RAP1GAP2: variants seen among roughly 807,000 people sequenced by gnomAD.
RAP1GAP2 encodes RAP1 GTPase activating protein 2.
RAP1GAP2 carries 27 observed loss-of-function variants against 95.0 expected under a neutral mutation model. That is an observed-to-expected ratio of 0.28 (90% CI 0.21 to 0.39). RAP1GAP2 has a LOEUF of 0.39. Among genes scored for constraint, RAP1GAP2 ranks in the 10% least tolerant of loss-of-function variants. The probability of loss-of-function intolerance (pLI) is 1.00; values close to 1 mark genes in which losing one functional copy is unlikely to be tolerated. For synonymous variants in RAP1GAP2, 373 were observed against 380.9 expected (o/e 0.98, Z 0.24); for missense variants, 771 against 970.0 (o/e 0.79, Z 2.72).
intron 2 of RAP1GAP2, among the ~76,000 whole-genome samples, chr17:2,830,852 C>T (rs952819852): frequency 6.6e-6 from 1 of 151,484 alleles, no homozygotes; most frequent in Non-Finnish European, 1.5e-5. Flanking sequence ...CGCCCTGTCC[C>T]TACATTCTAA....
In RAP1GAP2 at chr17:3,008,943, CAG is replaced by C. The variant is rs1399046278; in HGVS notation, c.1494+801_1494+802del. 1.3e-5 allele frequency among the ~76,000 whole-genome samples: 2 copies of C among 152,166 alleles called. No homozygotes were observed. Among genetic ancestry groups the C allele is most frequent in the African/African-American group, 4.8e-5 (2 of 41,428 alleles). On this transcript the variant is annotated intron_variant, in intron 17 of 24. Transcript: ENST00000254695. This position sits in a 1 kb window ranked among gnomAD's most constrained non-coding sequence, Gnocchi z 4.2. The stretch of plus-strand genomic sequence containing the variant: ...GCCTGCTCAGGTCCTTACACCGAGG[CAG>C]AGTTAGAGCCTCATTTCAAACGCAG...
chr17:2,830,942 TCCC>T (rs2070803595), intron 2 of RAP1GAP2, among the ~76,000 whole-genome samples: 2 of 112,312 alleles, frequency 1.8e-5, no homozygotes, highest in African/African-American at 3.5e-5. Context: ...CCACTCCCCT[TCCC>T]TCCCTTCCCC....
At chr17:2,984,422 C>G (rs544644149) in intron 10 of RAP1GAP2, among the ~76,000 whole-genome samples, 6 of 152,274 alleles carry the variant, frequency 3.9e-5, no homozygotes, top group African/African-American at 1.4e-4. Flanking sequence ...CTCTATGATG[C>G]GTAACGGAAA....
At chr17:2,873,614 G>A (rs1160766550) in intron 2 of RAP1GAP2, among the ~76,000 whole-genome samples, 1 of 151,188 alleles carries the variant, frequency 6.6e-6, no homozygotes, top group Non-Finnish European at 1.5e-5. Context: ...AATAATTTTG[G>A]CGTTTGAGCC....
chr17:2,866,743 G>A lies in RAP1GAP2; in HGVS notation c.81-38541G>A, dbSNP rs2072629254. The stretch of plus-strand genomic sequence containing the variant: ...GCCTCCCGAGTAGCTGGGATTACAG[G>A]TGTCCGCCACCAGGTCCGGCTAATT... On this transcript the variant is annotated intron_variant, in intron 2 of 24. Coordinates refer to ENST00000254695, the MANE Select transcript of RAP1GAP2 (RefSeq NM_015085.5). This position sits in a 1 kb window ranked among gnomAD's most constrained non-coding sequence, Gnocchi z 4.0. 6.6e-6 allele frequency among the ~76,000 whole-genome samples: 1 copy of A among 151,634 alleles called. No individual in the cohort carries two copies. Among genetic ancestry groups the A allele is most frequent in the Non-Finnish European group, 1.5e-5 (1 of 67,984 alleles).
intron 2 of RAP1GAP2, among the ~76,000 whole-genome samples, chr17:2,848,501 CTT>C (rs11441936): frequency 4.9e-5 from 7 of 142,288 alleles, no homozygotes; most frequent in Non-Finnish European, 4.5e-5. Flanking sequence ...TCTTTTCCTT[CTT>C]TTTTTTTTTT....
In RAP1GAP2 at chr17:2,855,420, C is replaced by T. The variant is rs2072091143; in HGVS notation, c.81-49864C>T. ...CTTTTGTAATTAAGAGAGAGCAGAC[C>T]TCCGGCTCCCGGTCCTCTGAGTGGG... On this transcript the variant is annotated intron_variant, in intron 2 of 24. Transcript: ENST00000254695. This position sits in a 1 kb window ranked among gnomAD's most constrained non-coding sequence, Gnocchi z 4.3. 6.6e-6 allele frequency among the ~76,000 whole-genome samples: 1 copy of T among 152,152 alleles called. No individual in the cohort carries two copies. Among genetic ancestry groups the T allele is most frequent in the African/African-American group, 2.4e-5 (1 of 41,420 alleles).
In RAP1GAP2 at chr17:3,027,151, C is replaced by G; in HGVS notation, c.2107+81C>G. 1.4e-6 allele frequency: 2 copies of G among 1,465,842 alleles called. No individual in the cohort carries two copies. Among genetic ancestry groups the G allele is most frequent in the Non-Finnish European group, 1.8e-6 (2 of 1,097,092 alleles). The allele number at this position is 1,465,842 out of a possible 1,614,324, so 90.8% of individuals were successfully genotyped here. ...TCCACTGTTAGCAGGGCCCCAGCCA[C>G]GCTGAACTGGCCAGTTTTCACCCCT... On this transcript the variant is annotated intron_variant, in intron 22 of 24. Transcript: ENST00000254695. The surrounding 1 kb of genome is among the most constrained non-coding windows in gnomAD (Gnocchi z 5.2).
At chr17:2,820,967 C>A (rs1336925330) in intron 2 of RAP1GAP2, among the ~76,000 whole-genome samples, 1 of 149,434 alleles carries the variant, frequency 6.7e-6, no homozygotes, top group Non-Finnish European at 1.5e-5. Flanking sequence ...GAACTGCTGA[C>A]CTGTTGATCT....
At chr17:2,818,293 C>CTTTATTTA (rs149867844) in intron 2 of RAP1GAP2, among the ~76,000 whole-genome samples, 3,470 of 136,304 alleles carry the variant, frequency 0.025, 71 homozygotes, top group Middle Eastern at 0.032. Flanking sequence ...TCTCAGCCCA[C>CTTTATTTA]TTTATTTATT....
intron 2 of RAP1GAP2, among the ~76,000 whole-genome samples, chr17:2,862,996 C>CAAAAA (rs1164520490): frequency 1.5e-3 from 74 of 48,764 alleles, no homozygotes; most frequent in Non-Finnish European, 1.8e-3. Context: ...GACTCTGTCT[C>CAAAAA]AAAAAAAAAA....
At chr17:3,026,148 A>G (rs1250069323) in intron 20 of RAP1GAP2, 27 bp downstream of exon 20, 2 of 1,558,158 alleles carry the variant, frequency 1.3e-6, no homozygotes, top group South Asian at 1.1e-5. Context: ...GGGAAAGGCC[A>G]GCTTCGGCCA....
chr17:2,881,760 T>C (rs372036484), intron 2 of RAP1GAP2, among the ~76,000 whole-genome samples: 1 of 152,278 alleles, frequency 6.6e-6, no homozygotes, highest in Admixed American at 6.5e-5. Context: ...TTGTTATCTG[T>C]TTTTTTGCTT....
intron 3 of RAP1GAP2, among the ~76,000 whole-genome samples, chr17:2,947,001 C>T (rs549311592): frequency 9.4e-4 from 143 of 152,294 alleles, no homozygotes; most frequent in African/African-American, 2.1e-3. Context: ...GTGATCCGCC[C>T]GCCTTGGCCT....
chr17:2,787,969 A>C (rs2068829737), intron 1 of RAP1GAP2, among the ~76,000 whole-genome samples: 1 of 152,230 alleles, frequency 6.6e-6, no homozygotes, highest in Admixed American at 6.5e-5. Flanking sequence ...ATTCCATTGT[A>C]CGCTTATTCT....
At chr17:2,956,238 C>T (rs1478011748) in intron 3 of RAP1GAP2, among the ~76,000 whole-genome samples, 2 of 152,190 alleles carry the variant, frequency 1.3e-5, no homozygotes, top group South Asian at 2.1e-4. Context: ...GGGAGTTGGG[C>T]GCGGGTGCCC....
intron 2 of RAP1GAP2, among the ~76,000 whole-genome samples, chr17:2,841,553 G>C (rs2071375028): frequency 3.9e-5 from 6 of 152,034 alleles, no homozygotes; most frequent in Admixed American, 3.9e-4. Flanking sequence ...TGATCTGCCT[G>C]CCTCGGCCTC....
chr17:2,880,202 G>A (rs1026456972), intron 2 of RAP1GAP2, among the ~76,000 whole-genome samples: 2 of 152,092 alleles, frequency 1.3e-5, no homozygotes, highest in African/African-American at 4.8e-5. Flanking sequence ...GCTTGGGGGG[G>A]ATGGGAGTGT....
intron 3 of RAP1GAP2, among the ~76,000 whole-genome samples, chr17:2,925,933 G>GT (rs373008168): frequency 2.0e-5 from 3 of 152,252 alleles, no homozygotes; most frequent in African/African-American, 7.2e-5. Context: ...GAGGTCAGGA[G>GT]TTTGAGACCA....
Sources: allele counts gnomAD v4.1 joint callset (sites outside exome capture counted in the v4.1 genomes callset), GRCh38; gene constraint gnomAD v4.1.1; non-coding constraint Gnocchi (gnomAD v3.1); transcripts MANE v1.5; gene names NCBI Gene and HGNC (gene_info 2026-07-23, HGNC 2026-07-21).